The following RALGPS1 variants were observed in gnomAD, a reference collection of about 807,000 sequenced individuals.
The protein encoded by RALGPS1 is ras-specific guanine nucleotide-releasing factor RalGPS1.
RALGPS1 carries 19 observed loss-of-function variants against 78.8 expected under a neutral mutation model. The observed-to-expected ratio is 0.24, with a 90% CI of 0.17 to 0.35. The LOEUF is 0.35. Ranked by LOEUF, RALGPS1 falls within the 10% of genes least tolerant of loss-of-function variation. The pLI is 1.00. For missense variants in RALGPS1, 454 were observed against 688.3 expected, an observed-to-expected ratio of 0.66 and a Z score of 3.81; for synonymous variants, 228 against 256.3, an observed-to-expected ratio of 0.89 and a Z score of 1.06.
intron 11 of RALGPS1, among the ~76,000 whole-genome samples, chr9:127,193,730 G>A (rs778577240): frequency 2.0e-5 from 3 of 152,112 alleles, no homozygotes; most frequent in Admixed American, 2.0e-4. Context: ...GGTGGGCTTG[G>A]GCCTTATGGG....
At chr9:127,129,074 C>T (rs2056829136) in intron 8 of RALGPS1, among the ~76,000 whole-genome samples, 1 of 152,154 alleles carries the variant, frequency 6.6e-6, no homozygotes, top group African/African-American at 2.4e-5. Flanking sequence ...ATCTGAGCAC[C>T]AGAGTTGGGC....
chr9:127,011,587 T>G (rs1192815185), intron 4 of RALGPS1, among the ~76,000 whole-genome samples: 1 of 152,218 alleles, frequency 6.6e-6, no homozygotes, highest in Non-Finnish European at 1.5e-5. Flanking sequence ...AAAAGCTTTA[T>G]TTATATCTGG....
chr9:127,032,090 A>G (rs562125611), intron 4 of RALGPS1, among the ~76,000 whole-genome samples: 1 of 152,382 alleles, frequency 6.6e-6, no homozygotes, highest in East Asian at 1.9e-4. Context: ...AGAGGAAGGC[A>G]GGTAACCTTT....
intron 7 of RALGPS1, among the ~76,000 whole-genome samples, 165 bp from the exon 8 acceptor site, chr9:127,069,065 T>C (rs577443623): frequency 5.3e-5 from 8 of 152,346 alleles, no homozygotes; most frequent in African/African-American, 1.7e-4. Context: ...CCTGCCTCCT[T>C]CTTCATATGC....
At chr9:127,216,915 G>A in intron 18 of RALGPS1, 1 of 1,545,544 alleles carries the variant, frequency 6.5e-7, no homozygotes, top group South Asian at 1.2e-5. Flanking sequence ...GGAAGCCGGA[G>A]CAGCTCCAGG....
intron 4 of RALGPS1, among the ~76,000 whole-genome samples, chr9:127,018,679 TAAC>T: frequency 6.8e-6 from 1 of 147,908 alleles, no homozygotes; most frequent in Non-Finnish European, 1.5e-5. Context: ...ATAATAATAA[TAAC>T]GATGAAAAGT....
At chr9:127,053,570 C>T (rs1426289896) in intron 7 of RALGPS1, among the ~76,000 whole-genome samples, 3 of 152,206 alleles carry the variant, frequency 2.0e-5, no homozygotes, top group Non-Finnish European at 4.4e-5. Context: ...CATTAGCATT[C>T]ACCTCCTGGC....
At chr9:127,065,018 C>T (rs1481205495) in intron 7 of RALGPS1, among the ~76,000 whole-genome samples, 1 of 151,846 alleles carries the variant, frequency 6.6e-6, no homozygotes. Flanking sequence ...TAGCTCACTG[C>T]AACCTTGAAC....
chr9:127,071,086 A>G (rs1050930573), intron 8 of RALGPS1, among the ~76,000 whole-genome samples: 2 of 146,574 alleles, frequency 1.4e-5, no homozygotes, highest in Non-Finnish European at 3.0e-5. Context: ...CTAAAAATAT[A>G]CTAAAACTAA....
Position 127,209,317 on chromosome 9 carries a change from G to A in RALGPS1, c.1248-2814G>A, listed in dbSNP as rs150285908. Among the ~76,000 whole-genome samples the A allele has an allele frequency of 3.0e-3, 463 of 152,356 alleles. 1 individual carries two copies. The highest frequency in any genetic ancestry group is 9.4e-3 in the African/African-American group (393 of 41,596). On this transcript the variant is annotated intron_variant, in intron 14 of 18. Transcript: ENST00000259351. The stretch of plus-strand genomic sequence containing the variant: ...TCACTTGCGAGGTGCCCAGCATGTG[G>A]TGCCGGTAACAGTGAAGTTGGTGAC...
At chr9:126,927,622 T>C (rs993874319) in intron 1 of RALGPS1, among the ~76,000 whole-genome samples, 1 of 152,212 alleles carries the variant, frequency 6.6e-6, no homozygotes, top group Non-Finnish European at 1.5e-5. Flanking sequence ...AAGAGGCTGT[T>C]TGCTGCAGAC....
intron 9 of RALGPS1, among the ~76,000 whole-genome samples, chr9:127,168,399 G>A (rs903409834): frequency 6.6e-6 from 1 of 152,168 alleles, no homozygotes; most frequent in Non-Finnish European, 1.5e-5. Flanking sequence ...TGGAGGTGCA[G>A]CTCCTCCTTC....
chr9:127,076,145 TAGC>T (rs1255410407), intron 8 of RALGPS1, among the ~76,000 whole-genome samples: 1 of 152,256 alleles, frequency 6.6e-6, no homozygotes, highest in Non-Finnish European at 1.5e-5. Flanking sequence ...TTTTATCTGA[TAGC>T]AGCTCCTTGC....
intron 7 of RALGPS1, among the ~76,000 whole-genome samples, chr9:127,059,557 G>A (rs1423016336): frequency 6.6e-6 from 1 of 152,164 alleles, no homozygotes; most frequent in Non-Finnish European, 1.5e-5. Flanking sequence ...GGATGTGGAT[G>A]TTCTGCAAGG....
chr9:126,978,067 G>A (rs1033108418), intron 4 of RALGPS1: 1 of 224,764 alleles, frequency 4.4e-6, no homozygotes, highest in Non-Finnish European at 8.6e-6. Context: ...CTTTCAAGAA[G>A]TGATGTGAGG....
At chr9:127,035,874 C>A (rs115338581) in intron 5 of RALGPS1, among the ~76,000 whole-genome samples, 1,893 of 151,942 alleles carry the variant, frequency 0.012, 42 homozygotes, top group African/African-American at 0.044. Context: ...TTTGAAAAAT[C>A]GTCTCTTTTC....
At chr9:126,933,504 G>T (rs2035987823) in intron 1 of RALGPS1, among the ~76,000 whole-genome samples, 1 of 152,176 alleles carries the variant, frequency 6.6e-6, no homozygotes, top group Non-Finnish European at 1.5e-5. Context: ...GCCAGAGAAG[G>T]GGCTGACTGC....
chr9:127,108,105 CGAGGGCACCCTCTGGCA>C, intron 8 of RALGPS1: 2 of 1,612,598 alleles, frequency 1.2e-6, no homozygotes, highest in Non-Finnish European at 1.7e-6. Flanking sequence ...CGGGCCTGGC[CGAGGGCACCCTCTGGCA>C]GTGCTCCTCA....
At chr9:126,922,304 T>C (rs11787970) in intron 1 of RALGPS1, among the ~76,000 whole-genome samples, 58,415 of 152,112 alleles carry the variant, frequency 0.38, 12,988 homozygotes, top group Non-Finnish European at 0.48. Context: ...AGAAGAAAAT[T>C]TGAATCTTTG....
Sources: allele counts gnomAD v4.1 joint callset (sites outside exome capture counted in the v4.1 genomes callset), GRCh38; gene constraint gnomAD v4.1.1; transcripts MANE v1.5; gene names NCBI Gene and HGNC (gene_info 2026-07-23, HGNC 2026-07-21).